The following JARID2 variants were observed in gnomAD, a reference collection of about 807,000 sequenced individuals.
JARID2 encodes the protein jumonji and AT-rich interaction domain containing 2.
Under a neutral mutation model 125.6 loss-of-function variants are expected in JARID2, and 21 were observed. The ratio of observed to expected loss-of-function variants is 0.17; its 90% confidence interval spans 0.12 to 0.24. JARID2 has a LOEUF of 0.24. JARID2 is among the 10% of genes least tolerant of loss of function. The pLI is 1.00. For missense variants in JARID2, 1,303 were observed against 1,639.6 expected (o/e 0.79, Z 3.55); for synonymous variants, 736 against 661.6 (o/e 1.11, Z -1.73).
chr6:15,449,986 A>T (rs1767846763), intron 3 of JARID2, among the ~76,000 whole-genome samples: 1 of 152,130 alleles, frequency 6.6e-6, no homozygotes, highest in African/African-American at 2.4e-5. Context: ...ATTAGTTTTG[A>T]TGAAGTAGGC....
At chr6:15,345,800 G>A (rs889891854) in intron 1 of JARID2, among the ~76,000 whole-genome samples, 1 of 152,178 alleles carries the variant, frequency 6.6e-6, no homozygotes, top group Non-Finnish European at 1.5e-5. Context: ...CACAGCCCTT[G>A]GGTTGCTGGG....
intron 1 of JARID2, among the ~76,000 whole-genome samples, chr6:15,300,725 G>GTGTGTGT (rs1761590473): frequency 8.8e-6 from 1 of 113,378 alleles, no homozygotes; most frequent in African/African-American, 4.0e-5. Context: ...GTGTGTGTGA[G>GTGTGTGT]AGAGAGAGAG....
rs570341054 is a variant in JARID2 at position 15,302,213 on chromosome 6, C to T, written c.45+55629C>T. Among the ~76,000 whole-genome samples, 382 of 152,164 alleles carry T rather than the reference C, an allele frequency of 2.5e-3. 2 individuals carry two copies. Among genetic ancestry groups the T allele is most frequent in the African/African-American group, 8.9e-3 (370 of 41,522 alleles). On this transcript the variant is annotated intron_variant, in intron 1 of 17. Coordinates refer to ENST00000341776, the MANE Select transcript of JARID2 (RefSeq NM_004973.4). The stretch of plus-strand genomic sequence containing the variant: ...GGCAGATCACCTAAGGTCAGGAGTT[C>T]GAGACCAGCCTGGCCAACGTGCTGA...
At chr6:15,397,552 C>A (rs1020134964) in intron 2 of JARID2, among the ~76,000 whole-genome samples, 2 of 152,142 alleles carry the variant, frequency 1.3e-5, no homozygotes, top group Non-Finnish European at 2.9e-5. Context: ...TGGGTGTCTG[C>A]ATAGAATTAC....
intron 1 of JARID2, among the ~76,000 whole-genome samples, chr6:15,287,922 T>C (rs1282762269): frequency 2.0e-5 from 3 of 152,196 alleles, no homozygotes; most frequent in Non-Finnish European, 2.9e-5. Flanking sequence ...TTCTGCCCCA[T>C]TTACCGTTGA....
At chr6:15,421,350 C>T (rs542037904) in intron 3 of JARID2, among the ~76,000 whole-genome samples, 21 of 150,418 alleles carry the variant, frequency 1.4e-4, no homozygotes, top group African/African-American at 4.7e-4. Flanking sequence ...GAGAGAGACA[C>T]GTACCATCAG....
intron 3 of JARID2, among the ~76,000 whole-genome samples, chr6:15,427,000 G>A (rs1398470793): frequency 6.6e-6 from 1 of 152,148 alleles, no homozygotes; most frequent in Non-Finnish European, 1.5e-5. Context: ...GCTGTGTCTG[G>A]CAACCCTTTG....
chr6:15,469,236 C>T (rs1304284526), intron 5 of JARID2, among the ~76,000 whole-genome samples: 2 of 150,742 alleles, frequency 1.3e-5, no homozygotes, highest in Non-Finnish European at 3.0e-5. Flanking sequence ...GATAAGTTGG[C>T]TATAGAAAGT....
At chr6:15,316,890 G>GCT (rs61503167) in intron 1 of JARID2, among the ~76,000 whole-genome samples, 12,024 of 152,226 alleles carry the variant, frequency 0.079, 707 homozygotes, top group African/African-American at 0.16. Context: ...TTGAATCTCA[G>GCT]CTCTCTATGG....
Position 15,341,179 on chromosome 6 carries a change from A to G in JARID2, c.46-32938A>G, listed in dbSNP as rs185980013. On this transcript the variant is annotated intron_variant, in intron 1 of 17. Coordinates refer to ENST00000341776, the MANE Select transcript of JARID2 (RefSeq NM_004973.4). ...GCAGTTTTGAGATGTTTCCTAGCTG[A>G]TGGAAAAGTATAAAAAATTCATGCA... 4.8e-3 allele frequency among the ~76,000 whole-genome samples: 725 copies of G among 152,330 alleles called. 8 individuals are homozygous for G. The highest frequency in any genetic ancestry group is 0.016 in the African/African-American group (666 of 41,570).
intron 3 of JARID2, among the ~76,000 whole-genome samples, chr6:15,430,520 G>A (rs1269706208): frequency 6.6e-6 from 1 of 152,134 alleles, no homozygotes; most frequent in Non-Finnish European, 1.5e-5. Flanking sequence ...ATGAAATACT[G>A]TTCTGTTGAG....
At chr6:15,509,201 T>C in intron 12 of JARID2, 2 of 1,245,440 alleles carry the variant, frequency 1.6e-6, no homozygotes, top group East Asian at 5.7e-5. Flanking sequence ...TGATCGAGGC[T>C]GGACTCTTTG....
chr6:15,513,608 C>T (rs1771387697), intron 16 of JARID2, among the ~76,000 whole-genome samples, 186 bp downstream of exon 16: 1 of 152,234 alleles, frequency 6.6e-6, no homozygotes. Context: ...CCCACAGTGA[C>T]CAGGCCACAC....
At chr6:15,262,153 CTTTT>C (rs56888368) in intron 1 of JARID2, among the ~76,000 whole-genome samples, 1 of 139,352 alleles carries the variant, frequency 7.2e-6, no homozygotes, top group Non-Finnish European at 1.6e-5. Flanking sequence ...AATCTCATGC[CTTTT>C]TTTTTTTTTT....
chr6:15,320,603 A>G (rs1050421490), intron 1 of JARID2, among the ~76,000 whole-genome samples: 4 of 152,212 alleles, frequency 2.6e-5, no homozygotes, highest in East Asian at 1.9e-4. Flanking sequence ...TGCAGTTCTT[A>G]AAGAAGATGA....
rs144288065 is a variant in JARID2 at position 15,297,537 on chromosome 6, C to G, written c.45+50953C>G. 6.0e-5 allele frequency among the ~76,000 whole-genome samples: 9 copies of G among 150,478 alleles called. 1 individual carries two copies. The South Asian group carries it at 1.7e-3, about 28-fold the overall frequency. Reference sequence around the variant, plus strand: ...GTGTTTTTTTGTATGGATGGGATCTCGCTGTGTTACCCAGGCTAGTCTTGA... The same window carrying G: ...GTGTTTTTTTGTATGGATGGGATCTGGCTGTGTTACCCAGGCTAGTCTTGA... On this transcript the variant is annotated intron_variant, in intron 1 of 17. Coordinates refer to ENST00000341776, the MANE Select transcript of JARID2 (RefSeq NM_004973.4).
intron 1 of JARID2, among the ~76,000 whole-genome samples, chr6:15,312,081 A>C (rs1378268935): frequency 6.6e-6 from 1 of 152,178 alleles, no homozygotes; most frequent in African/African-American, 2.4e-5. Flanking sequence ...TTTGAGACGG[A>C]GTCTTGCCCT....
intron 1 of JARID2, among the ~76,000 whole-genome samples, chr6:15,350,573 C>A (rs977969863): frequency 6.6e-6 from 1 of 152,136 alleles, no homozygotes; most frequent in Non-Finnish European, 1.5e-5. Context: ...CATCAGTCAC[C>A]TTGTTCTCAT....
At chr6:15,351,583 G>A (rs527492815) in intron 1 of JARID2, among the ~76,000 whole-genome samples, 1 of 152,318 alleles carries the variant, frequency 6.6e-6, no homozygotes, top group South Asian at 2.1e-4. Context: ...GATGCTAGGA[G>A]TAGGTGCATT....
Sources: gnomAD v4.1 joint callset for allele counts (sites outside exome capture counted in the v4.1 genomes callset) on GRCh38, gnomAD v4.1.1 for gene constraint, MANE v1.5 for transcripts, NCBI Gene and HGNC (gene_info 2026-07-23, HGNC 2026-07-21) for gene names.